Variants in TRDN observed in about 807,000 individuals in gnomAD.
The protein encoded by TRDN is triadin in skeletal muscle.
TRDN carries 161 observed loss-of-function variants against 149.7 expected under a neutral mutation model. The ratio of observed to expected loss-of-function variants is 1.08; its 90% CI spans 0.95 to 1.23. The LOEUF is 1.23. Among genes scored for constraint, TRDN ranks in the 50% most tolerant of loss-of-function variants. The probability of loss-of-function intolerance (pLI) is 0.00; values close to 1 mark genes in which losing one functional copy is unlikely to be tolerated. For missense variants in TRDN, 896 were observed against 823.5 expected (o/e 1.09, Z -1.08); for synonymous variants, 294 against 250.5 (o/e 1.17, Z -1.64).
chr6:123,379,434 C>A (rs372354278), intron 16 of TRDN, among the ~76,000 whole-genome samples: 1 of 152,154 alleles, frequency 6.6e-6, no homozygotes, highest in African/African-American at 2.4e-5. Context: ...CAAATGTTGT[C>A]TGGCAAATGA....
chr6:123,221,588 G>A, intron 39 of TRDN, 66 bp from the exon 40 acceptor site: 1 of 1,081,372 alleles, frequency 9.2e-7, no homozygotes. Flanking sequence ...AATATATATG[G>A]GACTGAGAAT....
intron 9 of TRDN, among the ~76,000 whole-genome samples, chr6:123,489,125 G>A (rs1018754655): frequency 6.6e-6 from 1 of 151,734 alleles, no homozygotes; most frequent in African/African-American, 2.4e-5. Flanking sequence ...AATATCTCAA[G>A]GTCTATTTCA....
chr6:123,405,629 T>G (rs1028200396), intron 12 of TRDN, among the ~76,000 whole-genome samples: 3 of 152,174 alleles, frequency 2.0e-5, no homozygotes, highest in Non-Finnish European at 4.4e-5. Context: ...AAAGGAAGGG[T>G]GCAGTAGAGG....
chr6:123,280,478 A>T (rs2114630286), intron 24 of TRDN, among the ~76,000 whole-genome samples: 1 of 152,180 alleles, frequency 6.6e-6, no homozygotes, highest in East Asian at 1.9e-4. Flanking sequence ...ATTTTCTGGG[A>T]ATTTTCCATA....
At chr6:123,352,293 T>C (rs1780489849) in intron 21 of TRDN, 1 of 985,006 alleles carries the variant, frequency 1.0e-6, no homozygotes, top group African/African-American at 1.7e-5. Context: ...TGTCCCCTGA[T>C]GTAATTAAAC....
At chr6:123,281,370 C>T (rs1463002137) in intron 24 of TRDN, among the ~76,000 whole-genome samples, 26 of 152,034 alleles carry the variant, frequency 1.7e-4, no homozygotes, top group Admixed American at 1.7e-3. Context: ...CCACCTACTG[C>T]TCTTAACATG....
chr6:123,614,688 C>T (rs1026328286), intron 1 of TRDN, among the ~76,000 whole-genome samples: 8 of 151,450 alleles, frequency 5.3e-5, no homozygotes, highest in Non-Finnish European at 8.8e-5. Flanking sequence ...GGCCTGAAAC[C>T]ATGAAACTAC....
At chr6:123,436,685 C>T (rs1000818159) in intron 12 of TRDN, among the ~76,000 whole-genome samples, 1 of 152,052 alleles carries the variant, frequency 6.6e-6, no homozygotes, top group African/African-American at 2.4e-5. Context: ...AGCCTGCCCT[C>T]CCCAGACGGT....
chr6:123,497,692 G>A (rs1282476632), intron 8 of TRDN, among the ~76,000 whole-genome samples: 1 of 152,076 alleles, frequency 6.6e-6, no homozygotes, highest in Non-Finnish European at 1.5e-5. Context: ...TCTGCTAATT[G>A]TCTCTATGGA....
rs191008142 is a variant in TRDN, at chr6:123,561,076, C to T, written c.232+9847G>A. 5.4e-4 allele frequency among the ~76,000 whole-genome samples: 82 copies of T among 152,286 alleles called. No homozygotes were observed. In the East Asian group the frequency reaches 0.014, roughly 27 times the overall value. On this transcript the variant is annotated intron_variant, in intron 2 of 40. Transcript: ENST00000334268. ...TAAAATAACTCTTGGTCTAGGTAGACACTTTCACTGGATGGGTAGAGGCCT... is the reference window on the plus strand; with the variant it reads ...TAAAATAACTCTTGGTCTAGGTAGATACTTTCACTGGATGGGTAGAGGCCT...
chr6:123,374,986 T>C (rs1387484732), intron 19 of TRDN, among the ~76,000 whole-genome samples: 1 of 152,172 alleles, frequency 6.6e-6, no homozygotes, highest in Non-Finnish European at 1.5e-5. Context: ...CAAAATATTT[T>C]CCATTATGCT....
At chr6:123,486,217 T>A (rs901132962) in intron 9 of TRDN, among the ~76,000 whole-genome samples, 1 of 151,902 alleles carries the variant, frequency 6.6e-6, no homozygotes, top group Non-Finnish European at 1.5e-5. Context: ...AAACGTCTTA[T>A]AACATCTTGG....
At chr6:123,433,099 T>C (rs371425816) in intron 12 of TRDN, among the ~76,000 whole-genome samples, 1 of 144,742 alleles carries the variant, frequency 6.9e-6, no homozygotes, top group Non-Finnish European at 1.5e-5. Flanking sequence ...CTGCATATTC[T>C]GACTCCTAGT....
intron 18 of TRDN, 150 bp downstream of exon 18, chr6:123,377,566 T>C (rs1781555645): frequency 4.7e-6 from 4 of 846,564 alleles, no homozygotes; most frequent in Admixed American, 2.5e-5. Context: ...GCATTGATGT[T>C]ATGTCCATGT....
intron 5 of TRDN, among the ~76,000 whole-genome samples, chr6:123,519,424 A>G (rs1315511935): frequency 6.8e-6 from 1 of 146,870 alleles, no homozygotes; most frequent in African/African-American, 2.5e-5. Flanking sequence ...CAGGCAGACT[A>G]TGTCTTTTTC....
intron 14 of TRDN, 52 bp downstream of exon 14, chr6:123,388,470 A>G: frequency 6.4e-7 from 1 of 1,561,134 alleles, no homozygotes; most frequent in East Asian, 2.3e-5. Flanking sequence ...AACTCAGGAT[A>G]TTGGTAAATT....
At chr6:123,440,748 A>C (rs1203116548) in intron 10 of TRDN, among the ~76,000 whole-genome samples, 1 of 152,186 alleles carries the variant, frequency 6.6e-6, no homozygotes, top group Non-Finnish European at 1.5e-5. Context: ...CTTACACCGA[A>C]CTTCACAAAG....
rs1303282890 is a variant in TRDN, at chr6:123,262,549, G to A, written c.1805-1911C>T. Among the ~76,000 whole-genome samples the A allele has an allele frequency of 2.0e-5, 3 of 151,942 alleles. 1 individual carries two copies. Among genetic ancestry groups the A allele is most frequent in the South Asian group, 4.1e-4 (2 of 4,826 alleles). On this transcript the variant is annotated intron_variant, in intron 33 of 40. Coordinates refer to ENST00000334268, the MANE Select transcript of TRDN (RefSeq NM_006073.4). ...AGGTGCTCAATAAATACATGTTCAA[G>A]GATTAATAAATGTAATACAGGCATA...
At chr6:123,472,510 C>T (rs1443438730) in intron 9 of TRDN, among the ~76,000 whole-genome samples, 1 of 152,192 alleles carries the variant, frequency 6.6e-6, no homozygotes, top group Non-Finnish European at 1.5e-5. Context: ...GGGGGAGGGG[C>T]GCCCGCCATT....
Sources: allele counts gnomAD v4.1 joint callset (sites outside exome capture counted in the v4.1 genomes callset), GRCh38; gene constraint gnomAD v4.1.1; transcripts MANE v1.5; gene names NCBI Gene and HGNC (gene_info 2026-07-23, HGNC 2026-07-21).